Variants in DENND4C observed in about 807,000 individuals in gnomAD.
DENND4C encodes DENN domain-containing protein 4C.
A neutral mutation model predicts 203.0 loss-of-function variants in DENND4C; 108 were observed. The ratio of observed to expected loss-of-function variants is 0.53; its 90% CI spans 0.46 to 0.62. DENND4C has a LOEUF of 0.62. Among genes scored for constraint, DENND4C ranks in the 20% least tolerant of loss-of-function variants. The probability of loss-of-function intolerance (pLI) is 0.00; values close to 1 mark genes in which losing one functional copy is unlikely to be tolerated. For synonymous variants in DENND4C, 871 were observed against 792.4 expected, an observed-to-expected ratio of 1.10 and a Z score of -1.67; for missense variants, 2,481 against 2,301.2, an observed-to-expected ratio of 1.08 and a Z score of -1.60.
Position 19,316,770 on chromosome 9 carries a change from T to C in DENND4C, c.1738T>C (p.Tyr580His). The change falls in exon 12 of 33, where the codon TAT becomes CAT. Residue 580 changes from tyrosine (Y) to histidine (H), a missense_variant. Physicochemically the swap from Tyr to His is moderately conservative, Grantham distance 83. Coordinates refer to ENST00000434457, the MANE Select transcript of DENND4C (RefSeq NM_001330640.2). The stretch of plus-strand genomic sequence containing the variant: ...GTCTATTTTAAAAGGATATAGAACA[T>C]ATCTCAGACCAATCACAGAGGCTCC... Reference protein sequence around the residue: ...MASILKGYRTYLRPITEAPSN... With the variant: ...MASILKGYRTHLRPITEAPSN... 1 of 1,614,046 alleles carries C rather than the reference T, an allele frequency of 6.2e-7. No individual in the cohort carries two copies. The highest frequency in any genetic ancestry group is 8.5e-7 in the Non-Finnish European group (1 of 1,179,996).
intron 1 of DENND4C, among the ~76,000 whole-genome samples, chr9:19,239,981 A>G (rs1032011126): frequency 6.6e-6 from 1 of 152,150 alleles, no homozygotes; most frequent in Non-Finnish European, 1.5e-5. Flanking sequence ...TTTTCTGTTT[A>G]CTTGTTCTGT....
At chr9:19,239,251 C>T (rs902946588) in intron 1 of DENND4C, among the ~76,000 whole-genome samples, 56 of 152,036 alleles carry the variant, frequency 3.7e-4, no homozygotes, top group Non-Finnish European at 6.8e-4. Flanking sequence ...GAATTTCCTT[C>T]TAAATACTGT....
rs1831110034 is a variant in DENND4C, at chr9:19,269,132, T to G, written c.-17-7026T>G. Among the ~76,000 whole-genome samples, 3 of 152,122 alleles carry G rather than the reference T, an allele frequency of 2.0e-5. No homozygotes were observed. The South Asian group carries it at 6.2e-4, about 31-fold the overall frequency. Reference sequence around the variant, plus strand: ...CTTCATTCTTTTTTATTCTTTACTATTTTGTCTCCTCTGACTGTATTTCCT... The same window carrying G: ...CTTCATTCTTTTTTATTCTTTACTAGTTTGTCTCCTCTGACTGTATTTCCT... On this transcript the variant is annotated intron_variant, in intron 1 of 32. Coordinates refer to ENST00000434457, the MANE Select transcript of DENND4C (RefSeq NM_001330640.2).
At chr9:19,295,240 C>T (rs183206683) in intron 5 of DENND4C, among the ~76,000 whole-genome samples, 254 of 151,950 alleles carry the variant, frequency 1.7e-3, no homozygotes, top group Non-Finnish European at 1.6e-3. Flanking sequence ...GGCGCAGTGG[C>T]GCACGCCGTA....
Position 19,316,443 on chromosome 9 carries a change from G to A in DENND4C, c.1514G>A (p.Trp505Ter). 1.9e-6 allele frequency: 3 copies of A among 1,613,594 alleles called. No individual in the cohort carries two copies. The highest frequency in any genetic ancestry group is 2.5e-6 in the Non-Finnish European group (3 of 1,179,822). The change falls in exon 11 of 33, where the codon TGG (tryptophan) becomes TAG (stop). Residue 505 changes from tryptophan (W) to a stop codon, truncating the protein, a stop_gained. Coordinates refer to ENST00000434457, the MANE Select transcript of DENND4C (RefSeq NM_001330640.2). LOFTEE classifies it high-confidence loss of function. ...TCAGATGAAAAGAAGAACATGAACT[G>A]GAAGCAACTTCCCAAAAAGCCGTGC... is the stretch of plus-strand genomic sequence containing the variant. Reference protein sequence around the residue: ...YVSDEKKNMNWKQLPKKPCKN... With the variant: ...YVSDEKKNMN
At chr9:19,300,929 C>T (rs1838430749) in intron 9 of DENND4C, among the ~76,000 whole-genome samples, 1 of 152,164 alleles carries the variant, frequency 6.6e-6, no homozygotes, top group Non-Finnish European at 1.5e-5. Context: ...CCTGTAATCC[C>T]AGCAATTTGG....
chr9:19,254,534 A>G (rs1325653399), intron 1 of DENND4C, among the ~76,000 whole-genome samples: 4 of 152,220 alleles, frequency 2.6e-5, no homozygotes. Context: ...GAATCCAACA[A>G]GTTGAACTCA....
rs1246600773 is a variant in DENND4C at position 19,346,197 on chromosome 9, T to C, written c.3428T>C (p.Ile1143Thr). The change falls in exon 23 of 33, where the codon ATT becomes ACT. Residue 1143 changes from isoleucine to threonine, a missense_variant. Ile to Thr is a moderately conservative substitution (Grantham distance 89). This residue lies in a region of DENND4C where 2,289 missense variants were observed against 2,113.3 expected (regional missense o/e 1.08). Transcript: ENST00000434457. ...TGTCCTAAGACTTCTCTACTTCATA[T>C]TGCAAGAACCCATAGCTTTGAGAAT... ...LTCPKTSLLH[I>T]ARTHSFENVS... The C allele has an allele frequency of 5.0e-6, 8 of 1,614,190 alleles. No homozygotes were observed. Among genetic ancestry groups the C allele is most frequent in the Non-Finnish European group, 6.8e-6 (8 of 1,180,026 alleles).
In DENND4C at chr9:19,296,082, G is replaced by A. The variant is rs1308959274; in HGVS notation, c.876G>A (p.Leu292=). 2 of 1,614,060 alleles carry A rather than the reference G, an allele frequency of 1.2e-6. No homozygotes were observed. The highest frequency in any genetic ancestry group is 2.2e-5 in the South Asian group (2 of 91,082). Residue 292 remains leucine (L), a synonymous_variant, in exon 6 of 33, where the codon CTG becomes CTA. Coordinates refer to ENST00000434457, the MANE Select transcript of DENND4C (RefSeq NM_001330640.2). ...ELLSEKQLMH[L]GLLTPVERKM... is the part of the protein sequence containing the mutation. ...TATCAGAGAAACAGCTTATGCACCT[G>A]GGCTTGTTGACGCCTGTGGAGAGAA...
chr9:19,333,217 A>G (rs1292451922), intron 17 of DENND4C, among the ~76,000 whole-genome samples: 2 of 151,502 alleles, frequency 1.3e-5, no homozygotes, highest in African/African-American at 4.9e-5. Flanking sequence ...GGGTCTCGAT[A>G]TGTTACCTGG....
intron 10 of DENND4C, 105 bp from the exon 11 acceptor site, chr9:19,316,312 A>G (rs1841841604): frequency 2.4e-6 from 2 of 840,582 alleles, no homozygotes; most frequent in South Asian, 1.7e-5. Flanking sequence ...AGACTGTAGT[A>G]AAAACATCTT....
At chr9:19,260,931 A>G (rs1263601699) in intron 1 of DENND4C, among the ~76,000 whole-genome samples, 1 of 152,154 alleles carries the variant, frequency 6.6e-6, no homozygotes. Flanking sequence ...AAAGAAAGAG[A>G]TCTTTCCCCA....
chr9:19,260,061 C>G (rs564823358), intron 1 of DENND4C, among the ~76,000 whole-genome samples: 1 of 152,290 alleles, frequency 6.6e-6, no homozygotes, highest in South Asian at 2.1e-4. Context: ...AGTTACCATA[C>G]TAGTTTGTGT....
chr9:19,274,556 A>G (rs766311910), intron 1 of DENND4C, among the ~76,000 whole-genome samples: 7 of 152,200 alleles, frequency 4.6e-5, no homozygotes, highest in Non-Finnish European at 1.0e-4. Context: ...CGGCCTTCCA[A>G]AGTGCTGGGA....
rs1244178838 is a variant in DENND4C at position 19,346,560 on chromosome 9, A to G, written c.3791A>G (p.Lys1264Arg). 2.5e-6 allele frequency: 4 copies of G among 1,614,048 alleles called. No homozygotes were observed. Among genetic ancestry groups the G allele is most frequent in the African/African-American group, 1.3e-5 (1 of 74,924 alleles). Reference protein sequence around the residue: ...SLLATECTGGKTPDSEDKLFS... With the variant: ...SLLATECTGGRTPDSEDKLFS... ...TTAGCCACTGAATGTACAGGAGGAA[A>G]AACTCCTGATTCTGAAGATAAGTTG... Residue 1264 changes from lysine (K) to arginine (R), a missense_variant, in exon 23 of 33, where the codon AAA (lysine) becomes AGA (arginine). By Grantham distance (26) the Lys-to-Arg change is conservative (BLOSUM62 2). Around this residue, in one of 3 missense-constraint regions of DENND4C, gnomAD observed 2,289 missense variants for 2,113.3 expected, o/e 1.08. Transcript: ENST00000434457.
chr9:19,253,031 C>T (rs1193413686), intron 1 of DENND4C, among the ~76,000 whole-genome samples: 2 of 152,204 alleles, frequency 1.3e-5, no homozygotes, highest in Non-Finnish European at 2.9e-5. Context: ...AGCCAGCATA[C>T]CCAGCCAGTC....
intron 26 of DENND4C, among the ~76,000 whole-genome samples, chr9:19,355,521 A>G (rs1724001405): frequency 6.6e-6 from 1 of 152,154 alleles, no homozygotes; most frequent in African/African-American, 2.4e-5. Context: ...AGTTATCCCA[A>G]TATTATCCAC....
chr9:19,265,460 ATTTT>A (rs869195022), intron 1 of DENND4C, among the ~76,000 whole-genome samples: 8 of 82,666 alleles, frequency 9.7e-5, no homozygotes, highest in African/African-American at 3.6e-4. Flanking sequence ...TTATTTATTT[ATTTT>A]TTATTATACT....
intron 15 of DENND4C, among the ~76,000 whole-genome samples, chr9:19,327,643 TTTTTA>T (rs942450393): frequency 3.9e-5 from 6 of 152,014 alleles, no homozygotes; most frequent in African/African-American, 1.4e-4. Context: ...TTATGGATTT[TTTTTA>T]TTTTAAATAC....
Sources: allele counts gnomAD v4.1 joint callset (sites outside exome capture counted in the v4.1 genomes callset), GRCh38; gene constraint gnomAD v4.1.1; regional missense constraint gnomAD v4.1.1; transcripts MANE v1.5; gene names NCBI Gene and HGNC (gene_info 2026-07-23, HGNC 2026-07-21).